Variants in KANK1 observed in about 807,000 individuals in gnomAD.
The protein encoded by KANK1 is KN motif and ankyrin repeat domain-containing protein 1.
A neutral mutation model predicts 106.2 loss-of-function variants in KANK1; 109 were observed. That is an observed-to-expected ratio of 1.03 (90% CI 0.88 to 1.20). The LOEUF is 1.20. KANK1 is among the 50% of genes most tolerant of loss of function. The pLI, the probability that KANK1 is intolerant of heterozygous loss-of-function variation, is 0.00. For synonymous variants in KANK1, 873 were observed against 652.2 expected (o/e 1.34, Z -5.16); for missense variants, 2,399 against 1,710.7 (o/e 1.40, Z -7.10).
At chr9:709,629 A>T (rs1397007852) in intron 2 of KANK1, among the ~76,000 whole-genome samples, 2,838 of 132,926 alleles carry the variant, frequency 0.021, 63 homozygotes, top group African/African-American at 0.074. Flanking sequence ...TTTTTTTTTT[A>T]ATTGAGACGG....
chr9:650,890 A>C (rs1201349246), intron 1 of KANK1, among the ~76,000 whole-genome samples: 1 of 152,132 alleles, frequency 6.6e-6, no homozygotes, highest in African/African-American at 2.4e-5. Context: ...GAAGGGCTGG[A>C]AGACTAAGAA....
At chr9:670,779 G>T (rs933483560) in intron 1 of KANK1, among the ~76,000 whole-genome samples, 7 of 152,010 alleles carry the variant, frequency 4.6e-5, no homozygotes, top group Non-Finnish European at 7.4e-5. Flanking sequence ...GCATGGATAG[G>T]TCTCCTGCCA....
At chr9:704,642 A>G (rs1201051655) in intron 2 of KANK1, among the ~76,000 whole-genome samples, 1 of 152,094 alleles carries the variant, frequency 6.6e-6, no homozygotes, top group Non-Finnish European at 1.5e-5. Context: ...ATTGCAGTCA[A>G]TTCCATTTGC....
chr9:713,330 C>T lies in KANK1; in HGVS notation c.2564C>T (p.Pro855Leu). The change falls in exon 3 of 12, where the codon CCT becomes CTT. Residue 855 changes from proline (P) to leucine (L), a missense_variant. Physicochemically the swap from Pro to Leu is moderately conservative, Grantham distance 98. Transcript: ENST00000382297. ...YSELAEAFGE[P>L]HSQMGSLNSQ... The stretch of plus-strand genomic sequence containing the variant: ...GAACTGGCAGAAGCTTTCGGGGAAC[C>T]TCACTCACAGATGGGCTCCCTCAAC... 6.2e-7 allele frequency: 1 copy of T among 1,614,144 alleles called. No individual in the cohort carries two copies. The highest frequency in any genetic ancestry group is 1.1e-5 in the South Asian group (1 of 91,082).
intron 1 of KANK1, among the ~76,000 whole-genome samples, chr9:580,770 G>A (rs529132228): frequency 6.6e-5 from 10 of 152,334 alleles, no homozygotes; most frequent in Non-Finnish European, 1.2e-4. Context: ...CTGTGCGCCC[G>A]CACTCCTGAG....
At chr9:502,798 T>TTA (rs2058581275), upstream of KANK1, among the ~76,000 whole-genome samples, 1 of 151,994 alleles carries the variant, frequency 6.6e-6, no homozygotes, top group African/African-American at 2.4e-5. Flanking sequence ...AGTGCTGGGA[T>TTA]TATAGGTGTG....
intron 1 of KANK1, among the ~76,000 whole-genome samples, chr9:532,501 ACT>A (rs1292250315): frequency 6.7e-6 from 1 of 149,882 alleles, no homozygotes; most frequent in Non-Finnish European, 1.5e-5. Context: ...CTAAATAGAA[ACT>A]CTGCACCCAT....
At chr9:514,078 C>G (rs1052947979) in intron 1 of KANK1, among the ~76,000 whole-genome samples, 1 of 150,126 alleles carries the variant, frequency 6.7e-6, no homozygotes, top group African/African-American at 2.5e-5. Flanking sequence ...TGTCCTCCTC[C>G]TCTCCTTCCC....
intron 1 of KANK1, among the ~76,000 whole-genome samples, chr9:580,895 G>C (rs1237682186): frequency 6.6e-6 from 1 of 152,216 alleles, no homozygotes; most frequent in Non-Finnish European, 1.5e-5. Context: ...ATGGTGGGCT[G>C]CAGGTCCCGA....
chr9:700,175 G>C lies in KANK1; in HGVS notation c.38-10629G>C, dbSNP rs1397624838. 7.2e-5 allele frequency among the ~76,000 whole-genome samples: 11 copies of C among 152,280 alleles called. No individual in the cohort carries two copies. The East Asian group carries it at 2.1e-3, about 29-fold the overall frequency. On this transcript the variant is annotated intron_variant, in intron 2 of 11. Coordinates refer to ENST00000382297, the MANE Select transcript of KANK1 (RefSeq NM_015158.5). ...GTTTTATCTGGGAGGGAAAAGAGCA[G>C]GCTTAAAAACAACTCTTTGGTAAAT...
intron 1 of KANK1, among the ~76,000 whole-genome samples, chr9:607,467 A>G (rs1204372230): frequency 7.0e-6 from 1 of 141,940 alleles, no homozygotes; most frequent in Non-Finnish European, 1.5e-5. Flanking sequence ...CCTGGGCGTT[A>G]CAGCAAGACT....
At chr9:674,368 G>A (rs1022070248) in intron 1 of KANK1, 2 of 141,270 alleles carry the variant, frequency 1.4e-5, no homozygotes, top group Non-Finnish European at 3.0e-5. Flanking sequence ...GGGCAGGCTT[G>A]TCAGAAGCAA....
rs1836979008 is a variant in KANK1, at chr9:745,579, A to C, written c.*344A>C. ...CTGGTTCTCACTGAGACGTTTTAAG[A>C]TTTTTCCACAAATATTTATATGTAC... On this transcript the variant is annotated 3_prime_UTR_variant, in exon 12 of 12. Coordinates refer to ENST00000382297, the MANE Select transcript of KANK1 (RefSeq NM_015158.5). 5.9e-6 allele frequency: 1 copy of C among 170,470 alleles called. No individual in the cohort carries two copies. Among genetic ancestry groups the C allele is most frequent in the Non-Finnish European group, 1.2e-5 (1 of 80,392 alleles). The allele number at this position is 170,470 out of a possible 1,614,324, so 10.6% of individuals were successfully genotyped here.
chr9:658,871 C>T (rs965211650), intron 1 of KANK1, among the ~76,000 whole-genome samples: 4 of 152,096 alleles, frequency 2.6e-5, no homozygotes, highest in African/African-American at 9.7e-5. Flanking sequence ...CCCTAGTTAA[C>T]TCCTACTTAT....
At chr9:499,349 GATGA>G (rs2058511286) in intron 3 of KANK1, among the ~76,000 whole-genome samples, 1 of 152,096 alleles carries the variant, frequency 6.6e-6, no homozygotes, top group Admixed American at 6.6e-5. Context: ...TCCATCAAAG[GATGA>G]ATGGATAAAC....
chr9:736,338 T>A (rs762825935), intron 7 of KANK1, among the ~76,000 whole-genome samples: 8 of 152,128 alleles, frequency 5.3e-5, no homozygotes, highest in Non-Finnish European at 8.8e-5. Context: ...TTTTAAATAT[T>A]TTCACTCTGC....
intron 1 of KANK1, chr9:540,440 T>G (rs569879668): frequency 6.6e-6 from 1 of 152,380 alleles, no homozygotes; most frequent in East Asian, 1.9e-4. Flanking sequence ...GGTTTGCTGG[T>G]ATTATATTGA....
chr9:625,362 C>CA (rs1834101225), intron 1 of KANK1, among the ~76,000 whole-genome samples: 4 of 152,278 alleles, frequency 2.6e-5, no homozygotes, highest in African/African-American at 7.2e-5. Flanking sequence ...TTGAGTCCAA[C>CA]AAAAATACTG....
chr9:739,093 A>C (rs1473282628), intron 8 of KANK1, among the ~76,000 whole-genome samples: 1 of 152,220 alleles, frequency 6.6e-6, no homozygotes, highest in Non-Finnish European at 1.5e-5. Context: ...ATAGAATAGT[A>C]GAAACTTGTT....
Sources: gnomAD v4.1 joint callset for allele counts (sites outside exome capture counted in the v4.1 genomes callset) on GRCh38, gnomAD v4.1.1 for gene constraint, MANE v1.5 for transcripts, NCBI Gene and HGNC (gene_info 2026-07-23, HGNC 2026-07-21) for gene names.